MSTO1: variants seen among roughly 807,000 people sequenced by gnomAD.
The protein encoded by MSTO1 is protein misato homolog 1.
In MSTO1, 24 loss-of-function variants were observed where a neutral mutation model predicts 55.7. The ratio of observed to expected loss-of-function variants is 0.43; its 90% confidence interval spans 0.31 to 0.61. The LOEUF (loss-of-function observed/expected upper bound fraction) is 0.61. Among genes scored for constraint, MSTO1 ranks in the 20% least tolerant of loss-of-function variants. The pLI is 0.09. For missense variants in MSTO1, 363 were observed against 625.7 expected (o/e 0.58, Z 4.48); for synonymous variants, 162 against 252.8 (o/e 0.64, Z 3.41).
the MSTO1 span, among the ~76,000 whole-genome samples, chr1:155,569,413 G>A: frequency 7.0e-6 from 1 of 143,420 alleles, no homozygotes; most frequent in Admixed American, 7.1e-5. Context: ...GGGATTACAG[G>A]CGTGAGCCAC....
chr1:155,613,315 A>G (rs894171327), intron 11 of MSTO1, 82 bp downstream of exon 11: 58 of 1,579,546 alleles, frequency 3.7e-5, no homozygotes, highest in Non-Finnish European at 4.7e-5. Flanking sequence ...GGGCATTCTA[A>G]TGATACTGTT....
Position 155,613,730 on chromosome 1 carries a change from C to G in MSTO1, c.1462C>G (p.Pro488Ala), listed in dbSNP as rs894138501. The change falls in exon 13 of 14, where the codon CCG becomes GCG. Residue 488 changes from proline (P) to alanine (A), a missense_variant. Around this residue, in one of 3 missense-constraint regions of MSTO1, gnomAD observed 38 missense variants for 126.4 expected, o/e 0.30. Transcript: ENST00000245564. ...CCACCTCTTCTCAAGCTGCAGTCCA[C>G]CGGGTATGGTTCTGGATGGTTCCCC... Reference protein sequence around the residue: ...YPHLFSSCSPPGMVLDGSPKG... With the variant: ...YPHLFSSCSPAGMVLDGSPKG... 3.8e-5 allele frequency: 61 copies of G among 1,609,144 alleles called. No individual in the cohort carries two copies. Among genetic ancestry groups the G allele is most frequent in the African/African-American group, 6.7e-5 (5 of 74,912 alleles).
chr1:155,579,477 T>C, the MSTO1 span, among the ~76,000 whole-genome samples: 6 of 152,168 alleles, frequency 3.9e-5, no homozygotes, highest in African/African-American at 1.4e-4. Context: ...GAGTTCCCCA[T>C]CACTGGAAAT....
the MSTO1 span, among the ~76,000 whole-genome samples, chr1:155,594,818 A>C: frequency 6.6e-6 from 1 of 152,084 alleles, no homozygotes; most frequent in African/African-American, 2.4e-5. Flanking sequence ...TGAAAGATGA[A>C]ACATCAAAGA....
At chr1:155,569,742 T>C in the MSTO1 span, among the ~76,000 whole-genome samples, 1 of 151,576 alleles carries the variant, frequency 6.6e-6, no homozygotes, top group Non-Finnish European at 1.5e-5. Flanking sequence ...CGGCCAGTTG[T>C]TTTTTTTGGT....
At position 155,612,490 on chromosome 1, in the gene MSTO1, C is replaced by A; in HGVS notation, c.886C>A (p.Leu296Ile). 2 of 1,614,100 alleles carry A rather than the reference C, an allele frequency of 1.2e-6. No homozygotes were observed. The highest frequency in any genetic ancestry group is 1.7e-6 in the Non-Finnish European group (2 of 1,180,014). ...CGTGCACCTGACTGCTCACAGCTCT[C>A]TTGTCTGCCCCTTGTCCTTGGGTGG... is the stretch of plus-strand genomic sequence containing the variant. ...GLVHLTAHSS[L>I]VCPLSLGGSL... is the part of the protein sequence containing the mutation. Residue 296 changes from leucine to isoleucine, a missense_variant, in exon 9 of 14, where the codon CTT (leucine) becomes ATT (isoleucine). By Grantham distance (5) the Leu-to-Ile change is conservative (BLOSUM62 2). Coordinates refer to ENST00000245564, the MANE Select transcript of MSTO1 (RefSeq NM_018116.4).
chr1:155,597,757 G>A, the MSTO1 span, among the ~76,000 whole-genome samples: 4 of 150,068 alleles, frequency 2.7e-5, no homozygotes, highest in African/African-American at 4.9e-5. Flanking sequence ...TGATCCACCC[G>A]CCTTGGTCTC....
chr1:155,595,428 T>C, the MSTO1 span, among the ~76,000 whole-genome samples: 4 of 151,680 alleles, frequency 2.6e-5, no homozygotes, highest in Admixed American at 1.3e-4. Flanking sequence ...TCTGCGTGCC[T>C]CGGCCTCCCA....
the MSTO1 span, among the ~76,000 whole-genome samples, chr1:155,564,903 C>T: frequency 1.3e-5 from 2 of 152,112 alleles, no homozygotes; most frequent in Non-Finnish European, 2.9e-5. Flanking sequence ...GCATGGATCA[C>T]GAGGTCACAA....
Position 155,614,802 on chromosome 1 carries a change from C to T in MSTO1, c.*529C>T. The T allele has an allele frequency of 1.3e-6, 2 of 1,570,868 alleles. No individual in the cohort carries two copies. Among genetic ancestry groups the T allele is most frequent in the Non-Finnish European group, 1.7e-6 (2 of 1,151,824 alleles). On this transcript the variant is annotated 3_prime_UTR_variant, in exon 14 of 14. Transcript: ENST00000245564. ...CATTGCTGGTACTGGTTGCATCATC[C>T]TCATCCTCAGAGCTGGCTTCACAGG...
At position 155,613,463 on chromosome 1, in the gene MSTO1, C is replaced by T. The variant is rs140560303; in HGVS notation, c.1285C>T (p.Gln429Ter). ...RGIDRACHTS[Q>*]LTPGTPPPSA... is the part of the protein sequence containing the mutation. ...GTGGTTTTGGCTTTGTTCTGGCAGC[C>T]AGCTCACCCCAGGGACACCTCCACC... Residue 429 changes from glutamine (Q) to a stop codon, truncating the protein, a stop_gained and splice_region_variant, in exon 12 of 14, where the codon CAG (glutamine) becomes TAG (stop). Coordinates refer to ENST00000245564, the MANE Select transcript of MSTO1 (RefSeq NM_018116.4). LOFTEE classifies it high-confidence loss of function. The T allele has an allele frequency of 1.2e-6, 2 of 1,614,054 alleles. No homozygotes were observed. The highest frequency in any genetic ancestry group is 1.7e-6 in the Non-Finnish European group (2 of 1,179,984).
chr1:155,602,050 G>C, the MSTO1 span: 1 of 615,700 alleles, frequency 1.6e-6, no homozygotes, highest in Non-Finnish European at 3.2e-6. Flanking sequence ...CGCCGCGCCC[G>C]GCCTCTTCTG....
the MSTO1 span, chr1:155,586,606 AT>A: frequency 2.2e-6 from 1 of 445,668 alleles, no homozygotes; most frequent in South Asian, 1.7e-5. Context: ...TGTTGCAAAT[AT>A]TTTTTCCCAT....
the MSTO1 span, chr1:155,591,337 A>G: frequency 3.6e-6 from 4 of 1,103,884 alleles, no homozygotes; most frequent in Non-Finnish European, 5.2e-6. Flanking sequence ...AATATTAACC[A>G]TCACGGTGAT....
chr1:155,590,054 CG>C, the MSTO1 span, among the ~76,000 whole-genome samples: 1 of 129,998 alleles, frequency 7.7e-6, no homozygotes, highest in East Asian at 2.1e-4. Context: ...GAGGTGGGGG[CG>C]GGGGTCTACA....
chr1:155,579,313 C>CA, the MSTO1 span, among the ~76,000 whole-genome samples: 1 of 147,566 alleles, frequency 6.8e-6, no homozygotes, highest in African/African-American at 2.5e-5. Flanking sequence ...AACTCCATCT[C>CA]AAAACAAGCA....
the MSTO1 span, among the ~76,000 whole-genome samples, chr1:155,597,434 A>T: frequency 9.9e-5 from 15 of 151,760 alleles, 2 homozygotes; most frequent in South Asian, 2.7e-3. Context: ...ACGCCATTAC[A>T]CTCCAGCCTG....
the MSTO1 span, among the ~76,000 whole-genome samples, chr1:155,592,177 G>A: frequency 6.6e-6 from 1 of 152,174 alleles, no homozygotes; most frequent in Admixed American, 6.6e-5. Flanking sequence ...TTTGTGTTGT[G>A]TGCATGTGTT....
At chr1:155,588,256 A>T in the MSTO1 span, among the ~76,000 whole-genome samples, 1 of 151,872 alleles carries the variant, frequency 6.6e-6, no homozygotes, top group Non-Finnish European at 1.5e-5. Context: ...AGCATCTAAA[A>T]TGATTAAAAA....
Sources: allele counts gnomAD v4.1 joint callset (sites outside exome capture counted in the v4.1 genomes callset), GRCh38; gene constraint gnomAD v4.1.1; regional missense constraint gnomAD v4.1.1; transcripts MANE v1.5; gene names NCBI Gene and HGNC (gene_info 2026-07-23, HGNC 2026-07-21).